The following GNA11 variants were observed in gnomAD, a reference collection of about 807,000 sequenced individuals.
GNA11 encodes G protein subunit alpha 11.
A neutral mutation model predicts 38.2 loss-of-function variants in GNA11; 8 were observed. That is an observed-to-expected ratio of 0.21 (90% CI 0.12 to 0.38). GNA11 has a LOEUF of 0.38. Ranked by LOEUF, GNA11 falls within the 10% of genes least tolerant of loss-of-function variation. The pLI, the probability that GNA11 is intolerant of heterozygous loss-of-function variation, is 1.00. For missense variants in GNA11, 268 were observed against 516.3 expected, an observed-to-expected ratio of 0.52 and a Z score of 4.66; for synonymous variants, 211 against 221.4, an observed-to-expected ratio of 0.95 and a Z score of 0.42.
intron 4 of GNA11, 152 bp downstream of exon 4, chr19:3,115,224 C>A: frequency 1.2e-6 from 1 of 807,056 alleles, no homozygotes; most frequent in Non-Finnish European, 2.0e-6. Flanking sequence ...GGCAACATAG[C>A]CAGACCTCAT....
rs115151953 is a variant in GNA11 at position 3,122,864 on chromosome 19, G to C, written c.*1685G>C. ...TGGGGGCAGAAGAGCGGGGAGCCCCGTGGAAGGGTCAGGGGAGACCAGGTC... is the reference window on the plus strand; with the variant it reads ...TGGGGGCAGAAGAGCGGGGAGCCCCCTGGAAGGGTCAGGGGAGACCAGGTC... On this transcript the variant is annotated 3_prime_UTR_variant, in exon 7 of 7. Transcript: ENST00000078429. The surrounding 1 kb of genome is among the most constrained non-coding windows in gnomAD (Gnocchi z 7.7). 1 of 233,558 alleles carries C rather than the reference G, an allele frequency of 4.3e-6. No homozygotes were observed. The highest frequency in any genetic ancestry group is 2.2e-5 in the African/African-American group (1 of 45,488). The allele number at this position is 233,558 out of a possible 1,614,324, so 14.5% of individuals were successfully genotyped here. A position where few individuals can be genotyped will look rare whatever the true frequency, so the allele number is the denominator to read the frequency against.
At chr19:3,095,576 C>T (rs1397894122) in intron 1 of GNA11, among the ~76,000 whole-genome samples, 1 of 151,894 alleles carries the variant, frequency 6.6e-6, no homozygotes, top group Admixed American at 6.6e-5. Context: ...ACATTCCCTT[C>T]AGGGCCATTC....
Position 3,118,928 on chromosome 19 carries a change from G to C in GNA11, c.610G>C (p.Val204Leu), listed in dbSNP as rs2145325878. 6.2e-7 allele frequency: 1 copy of C among 1,613,952 alleles called. No individual in the cohort carries two copies. The highest frequency in any genetic ancestry group is 8.5e-7 in the Non-Finnish European group (1 of 1,179,878). The change falls in exon 5 of 7, where the codon GTG (valine) becomes CTG (leucine). Residue 204 changes from valine to leucine, a missense_variant. Val to Leu is a conservative substitution (Grantham distance 32). Transcript: ENST00000078429. Reference protein sequence around the residue: ...FDLENIIFRMVDVGGQRSERR... With the variant: ...FDLENIIFRMLDVGGQRSERR... ...CCTGGCGCTGTGTCCTTTCAGGATG[G>C]TGGATGTGGGGGGCCAGCGGTCGGA...
At position 3,119,693 on chromosome 19, in the gene GNA11, G is replaced by A. The variant is rs1914018840; in HGVS notation, c.889+334G>A. On this transcript the variant is annotated intron_variant, in intron 6 of 6. Coordinates refer to ENST00000078429, the MANE Select transcript of GNA11 (RefSeq NM_002067.5). This position sits in a 1 kb window ranked among gnomAD's most constrained non-coding sequence, Gnocchi z 4.6. ...GTACAAGGAGGGCACCATGGGAGGGGGAGTCTTGTATTGGTGGGTCTTGTA... is the reference window on the plus strand; with the variant it reads ...GTACAAGGAGGGCACCATGGGAGGGAGAGTCTTGTATTGGTGGGTCTTGTA... Among the ~76,000 whole-genome samples, 2 of 151,622 alleles carry A rather than the reference G, an allele frequency of 1.3e-5. No individual in the cohort carries two copies. Among genetic ancestry groups the A allele is most frequent in the African/African-American group, 4.9e-5 (2 of 41,212 alleles).
intron 2 of GNA11, among the ~76,000 whole-genome samples, chr19:3,112,868 G>A (rs975980618): frequency 2.6e-5 from 4 of 152,364 alleles, no homozygotes; most frequent in Admixed American, 6.5e-5. Flanking sequence ...TGGTTGCAAC[G>A]TCCTGTGACT....
rs1370938989 is a variant in GNA11 at position 3,120,650 on chromosome 19, G to A, written c.890-339G>A. On this transcript the variant is annotated intron_variant, in intron 6 of 6. Coordinates refer to ENST00000078429, the MANE Select transcript of GNA11 (RefSeq NM_002067.5). This position sits in a 1 kb window ranked among gnomAD's most constrained non-coding sequence, Gnocchi z 5.9. Reference sequence around the variant, plus strand: ...CTCCTCTCACCCTGGGCCTTCGCAGGGCAGCCATGCCAGAGGCCTGCCCTG... The same window carrying A: ...CTCCTCTCACCCTGGGCCTTCGCAGAGCAGCCATGCCAGAGGCCTGCCCTG... Among the ~76,000 whole-genome samples, 2 of 152,184 alleles carry A rather than the reference G, an allele frequency of 1.3e-5. No homozygotes were observed. The highest frequency in any genetic ancestry group is 4.8e-5 in the African/African-American group (2 of 41,446).
intron 3 of GNA11, 25 bp from the exon 4 acceptor site, chr19:3,114,919 C>T (rs1197683916): frequency 1.3e-6 from 2 of 1,584,268 alleles, no homozygotes; most frequent in Admixed American, 1.7e-5. Flanking sequence ...GGCAGCCGGC[C>T]TGAGCACCCA....
At chr19:3,114,786 G>A (rs570433810) in intron 3 of GNA11, among the ~76,000 whole-genome samples, 158 bp from the exon 4 acceptor site, 30 of 152,286 alleles carry the variant, frequency 2.0e-4, no homozygotes, top group African/African-American at 6.7e-4. Flanking sequence ...CCATTGGCCC[G>A]AGCCCTCCGG....
At chr19:3,096,997 C>T (rs1325516621) in intron 1 of GNA11, among the ~76,000 whole-genome samples, 1 of 152,144 alleles carries the variant, frequency 6.6e-6, no homozygotes. Flanking sequence ...CTGGAGGGCC[C>T]CTTGCTGGGA....
Position 3,110,137 on chromosome 19 carries a change from C to T in GNA11, c.137-12C>T. The stretch of plus-strand genomic sequence containing the variant: ...CCGGCTGCCGCCCGCCCTCACGTGC[C>T]CCGTCCCCCAGGCACGGGCGAGAGC... On this transcript the variant is annotated splice_polypyrimidine_tract_variant and intron_variant, in intron 1 of 6. Transcript: ENST00000078429. This position sits in a 1 kb window ranked among gnomAD's most constrained non-coding sequence, Gnocchi z 5.4. 6.3e-7 allele frequency: 1 copy of T among 1,588,958 alleles called. No homozygotes were observed. Among genetic ancestry groups the T allele is most frequent in the Non-Finnish European group, 8.5e-7 (1 of 1,169,726 alleles).
rs1050690556 is a variant in GNA11 at position 3,120,277 on chromosome 19, C to A, written c.890-712C>A. ...CTGGGCAGGGGAGTGGCGGGGGGCG[C>A]TGCACCTGCTCCAGCCGCACGTGGC... On this transcript the variant is annotated intron_variant, in intron 6 of 6. Transcript: ENST00000078429. The surrounding 1 kb of genome is among the most constrained non-coding windows in gnomAD (Gnocchi z 5.9). Among the ~76,000 whole-genome samples, 1 of 151,770 alleles carries A rather than the reference C, an allele frequency of 6.6e-6. No individual in the cohort carries two copies. The highest frequency in any genetic ancestry group is 2.4e-5 in the African/African-American group (1 of 41,318).
At chr19:3,101,892 G>A (rs755398348) in intron 1 of GNA11, among the ~76,000 whole-genome samples, 48 of 152,132 alleles carry the variant, frequency 3.2e-4, no homozygotes, top group Non-Finnish European at 6.3e-4. Context: ...CCAGGAGTTC[G>A]AGACCAGCCT....
rs1184834766 is a variant in GNA11, at chr19:3,108,742, G to A, written c.137-1407G>A. 6.6e-6 allele frequency among the ~76,000 whole-genome samples: 1 copy of A among 152,228 alleles called. No homozygotes were observed. Among genetic ancestry groups the A allele is most frequent in the Non-Finnish European group, 1.5e-5 (1 of 68,042 alleles). On this transcript the variant is annotated intron_variant, in intron 1 of 6. Coordinates refer to ENST00000078429, the MANE Select transcript of GNA11 (RefSeq NM_002067.5). The surrounding 1 kb of genome is among the most constrained non-coding windows in gnomAD (Gnocchi z 4.5). Reference sequence around the variant, plus strand: ...ATAGTTTCTGAGGGTTGGGAATGTGGGAGCACTTTGTTGAGTGATCCTGGC... The same window carrying A: ...ATAGTTTCTGAGGGTTGGGAATGTGAGAGCACTTTGTTGAGTGATCCTGGC...
intron 1 of GNA11, among the ~76,000 whole-genome samples, chr19:3,105,008 C>A (rs897791688): frequency 1.3e-5 from 2 of 151,936 alleles, no homozygotes; most frequent in Non-Finnish European, 1.5e-5. Flanking sequence ...GCTGAGCTCA[C>A]CAGCTCCAGA....
At chr19:3,097,575 C>G (rs1430838969) in intron 1 of GNA11, among the ~76,000 whole-genome samples, 1 of 152,220 alleles carries the variant, frequency 6.6e-6, no homozygotes, top group Non-Finnish European at 1.5e-5. Context: ...AACGCCGCGT[C>G]TGCTCGCTCT....
At position 3,121,266 on chromosome 19, in the gene GNA11, C is replaced by T. The variant is rs950959707; in HGVS notation, c.*87C>T. ...GCGGCTGCCGGGCGGGTGGCGCTGC[C>T]GAGTCCGGGCCGGGGCCTCTGCCCG... On this transcript the variant is annotated 3_prime_UTR_variant, in exon 7 of 7. Coordinates refer to ENST00000078429, the MANE Select transcript of GNA11 (RefSeq NM_002067.5). 28 of 1,002,218 alleles carry T rather than the reference C, an allele frequency of 2.8e-5. No homozygotes were observed. The highest frequency in any genetic ancestry group is 1.7e-4 in the South Asian group (11 of 66,236). 62.1% of individuals were successfully genotyped at this position (1,002,218 alleles called of 1,614,324 possible).
chr19:3,117,394 T>G (rs1913949794), intron 4 of GNA11: 1 of 152,562 alleles, frequency 6.6e-6, no homozygotes, highest in Non-Finnish European at 1.5e-5. Flanking sequence ...CCCTTTTCTT[T>G]TTTTTGAGAC....
chr19:3,096,010 A>G (rs1348856894), intron 1 of GNA11, among the ~76,000 whole-genome samples: 1 of 152,052 alleles, frequency 6.6e-6, no homozygotes, highest in Non-Finnish European at 1.5e-5. Flanking sequence ...CTCCTAGGTT[A>G]GCTCCTGGGC....
chr19:3,113,453 C>T lies in GNA11; in HGVS notation c.445C>T (p.Arg149Cys), dbSNP rs1913828735. 1 of 1,610,442 alleles carries T rather than the reference C, an allele frequency of 6.2e-7. No homozygotes were observed. Among genetic ancestry groups the T allele is most frequent in the Non-Finnish European group, 8.5e-7 (1 of 1,177,974 alleles). Residue 149 changes from arginine (R) to cysteine (C), a missense_variant, in exon 3 of 7, where the codon CGC becomes TGC. By Grantham distance (180) the Arg-to-Cys change is radical (BLOSUM62 -3). Around this residue, in one of 3 missense-constraint regions of GNA11, gnomAD observed 151 missense variants for 254.0 expected, o/e 0.59. Coordinates refer to ENST00000078429, the MANE Select transcript of GNA11 (RefSeq NM_002067.5). ...PGIQECYDRR[R>C]EYQLSDSAKY... ...CATCCAGGAATGCTACGACCGCAGGCGCGAGTACCAGCTCTCCGACTCTGC... is the reference window on the plus strand; with the variant it reads ...CATCCAGGAATGCTACGACCGCAGGTGCGAGTACCAGCTCTCCGACTCTGC...
Sources: allele counts gnomAD v4.1 joint callset (sites outside exome capture counted in the v4.1 genomes callset), GRCh38; gene constraint gnomAD v4.1.1; regional missense constraint gnomAD v4.1.1; non-coding constraint Gnocchi (gnomAD v3.1); transcripts MANE v1.5; gene names NCBI Gene and HGNC (gene_info 2026-07-23, HGNC 2026-07-21).